Variants in WASHC5 observed in about 807,000 individuals in gnomAD.
WASHC5 encodes the protein WASH complex subunit strumpellin.
In WASHC5, 101 loss-of-function variants were observed where a neutral mutation model predicts 150.4. The ratio of observed to expected loss-of-function variants is 0.67; its 90% CI spans 0.57 to 0.79. The LOEUF (loss-of-function observed/expected upper bound fraction) is 0.79. WASHC5 is among the 30% of genes least tolerant of loss of function. WASHC5 has a pLI of 0.00. For synonymous variants in WASHC5, 467 were observed against 491.2 expected, an observed-to-expected ratio of 0.95 and a Z score of 0.65; for missense variants, 1,195 against 1,396.3, an observed-to-expected ratio of 0.86 and a Z score of 2.30.
Position 125,057,683 on chromosome 8 carries a change from GTA to G in WASHC5, c.1765-19_1765-18del, listed in dbSNP as rs756145010. On this transcript the variant is annotated intron_variant, in intron 14 of 28. Transcript: ENST00000318410. ...AGAGGCAAGCTGGAAGAAAAATAAGGTATATCTGTTTCTTGTTTCAAAAAGAG... is the reference window on the plus strand; with the variant it reads ...AGAGGCAAGCTGGAAGAAAAATAAGGTATCTGTTTCTTGTTTCAAAAAGAG... The G allele has an allele frequency of 3.4e-6, 5 of 1,464,934 alleles. No homozygotes were observed. Among genetic ancestry groups the G allele is most frequent in the Non-Finnish European group, 4.8e-6 (5 of 1,046,686 alleles). The allele number at this position is 1,464,934 out of a possible 1,614,324, so 90.7% of individuals were successfully genotyped here. A position where few individuals can be genotyped will look rare whatever the true frequency, so the allele number is the denominator to read the frequency against.
intron 1 of WASHC5, among the ~76,000 whole-genome samples, chr8:125,085,597 A>G (rs753876716): frequency 6.6e-6 from 1 of 152,200 alleles, no homozygotes. Context: ...TCCTGTACAC[A>G]TAAGTCTTTG....
intron 11 of WASHC5, among the ~76,000 whole-genome samples, chr8:125,061,993 C>T (rs1563624511): frequency 1.3e-5 from 2 of 152,176 alleles, no homozygotes; most frequent in African/African-American, 4.8e-5. Context: ...CTTTACCTCA[C>T]CAAGTTGATC....
rs780219865 is a variant in WASHC5, at chr8:125,083,095, T to G, written c.332+18A>C. The G allele has an allele frequency of 1.1e-5, 16 of 1,431,642 alleles. No homozygotes were observed. The African/African-American group carries it at 2.2e-4, about 20-fold the overall frequency. The allele number at this position is 1,431,642 out of a possible 1,614,324, so 88.7% of individuals were successfully genotyped here. A position where few individuals can be genotyped will look rare whatever the true frequency, so the allele number is the denominator to read the frequency against. ...ACTATTTACTACCAGAATAAGCTAT[T>G]CCTAAATAGATCAATACCTGTTTAA... is the stretch of plus-strand genomic sequence containing the variant. On this transcript the variant is annotated intron_variant, in intron 3 of 28. Coordinates refer to ENST00000318410, the MANE Select transcript of WASHC5 (RefSeq NM_014846.4).
chr8:125,058,023 G>A (rs965528048), intron 14 of WASHC5, among the ~76,000 whole-genome samples: 19 of 151,938 alleles, frequency 1.3e-4, no homozygotes, highest in Admixed American at 1.1e-3. Flanking sequence ...GAGCCACTGT[G>A]CCACAGAAAA....
chr8:125,032,519 G>A (rs1563608123), intron 26 of WASHC5, 125 bp from the exon 27 acceptor site: 1 of 1,094,488 alleles, frequency 9.1e-7, no homozygotes, highest in Non-Finnish European at 1.4e-6. Flanking sequence ...ATATTTTGGA[G>A]GGAATGACAA....
intron 14 of WASHC5, 112 bp from the exon 15 acceptor site, chr8:125,057,778 G>GCACCAACCACTGAATCTCATCAATAT: frequency 1.3e-6 from 1 of 749,432 alleles, no homozygotes; most frequent in African/African-American, 1.7e-5. Context: ...CCAACAGAGG[G>GCACCAACCACTGAATCTCATCAATAT]CATTAATAGT....
chr8:125,051,215 C>G (rs1816229259), intron 17 of WASHC5, among the ~76,000 whole-genome samples: 1 of 152,222 alleles, frequency 6.6e-6, no homozygotes, highest in Admixed American at 6.5e-5. Context: ...AATCTGCTAT[C>G]TAACTCTACA....
At chr8:125,067,493 A>G in intron 10 of WASHC5, 99 bp downstream of exon 10, 1 of 1,023,448 alleles carries the variant, frequency 9.8e-7, no homozygotes, top group East Asian at 2.7e-5. Context: ...CTGTACCTTG[A>G]ATCAGAGACA....
chr8:125,089,614 AAAC>A (rs1817535880), intron 1 of WASHC5, among the ~76,000 whole-genome samples: 1 of 152,148 alleles, frequency 6.6e-6, no homozygotes, highest in South Asian at 2.1e-4. Context: ...GCCCTGGGAA[AAAC>A]AACTTAAAGC....
intron 27 of WASHC5, among the ~76,000 whole-genome samples, chr8:125,029,974 T>G (rs925904484): frequency 4.6e-5 from 7 of 152,190 alleles, no homozygotes; most frequent in African/African-American, 1.4e-4. Flanking sequence ...AAGGAAGGAA[T>G]TCCCATGCGT....
chr8:125,079,371 G>A (rs1272459279), intron 5 of WASHC5, among the ~76,000 whole-genome samples: 1 of 151,166 alleles, frequency 6.6e-6, no homozygotes, highest in Non-Finnish European at 1.5e-5. Flanking sequence ...TTGTATTTTA[G>A]TAGAGATGGG....
chr8:125,072,780 C>T (rs13250545), intron 9 of WASHC5, among the ~76,000 whole-genome samples: 17,421 of 152,122 alleles, frequency 0.11, 1,298 homozygotes, highest in East Asian at 0.23. Context: ...ATATATCTAC[C>T]GGTTCAGGGA....
Position 125,057,622 on chromosome 8 carries a change from T to C in WASHC5, c.1809A>G (p.Ala603=). The C allele has an allele frequency of 1.2e-6, 2 of 1,614,040 alleles. No homozygotes were observed. Among genetic ancestry groups the C allele is most frequent in the Non-Finnish European group, 1.7e-6 (2 of 1,179,950 alleles). Residue 603 remains alanine (A), a synonymous_variant, in exon 15 of 29, where the codon GCA becomes GCG. Coordinates refer to ENST00000318410, the MANE Select transcript of WASHC5 (RefSeq NM_014846.4). ...ACACGCTGAGCAGGTCGGGGCTATT[T>C]GCCTGATTAATACGAAGAAGGGGCA... is the stretch of plus-strand genomic sequence containing the variant. The part of the protein sequence containing the change: ...LDLPLLRINQ[A]NSPDLLSVSQ...
intron 1 of WASHC5, among the ~76,000 whole-genome samples, chr8:125,089,296 C>T (rs1817522789): frequency 6.6e-6 from 1 of 152,094 alleles, no homozygotes; most frequent in Non-Finnish European, 1.5e-5. Context: ...AAACTTTACA[C>T]CAGGAGTGTC....
At chr8:125,031,412 G>A (rs1019510413) in intron 27 of WASHC5, among the ~76,000 whole-genome samples, 1 of 152,088 alleles carries the variant, frequency 6.6e-6, no homozygotes. Context: ...GAGTAGCTGG[G>A]ATTACAGGTG....
intron 19 of WASHC5, among the ~76,000 whole-genome samples, chr8:125,047,540 C>A (rs1384488146): frequency 6.6e-6 from 1 of 151,744 alleles, no homozygotes; most frequent in Non-Finnish European, 1.5e-5. Flanking sequence ...CGGGTGCAAG[C>A]GATTCTTTTG....
chr8:125,035,515 T>G (rs1414161202), intron 26 of WASHC5, among the ~76,000 whole-genome samples: 1 of 152,248 alleles, frequency 6.6e-6, no homozygotes, highest in African/African-American at 2.4e-5. Flanking sequence ...ACACTTGGGA[T>G]GGCCCTTTAA....
At chr8:125,072,369 CT>C (rs1816925035) in intron 9 of WASHC5, among the ~76,000 whole-genome samples, 1 of 45,450 alleles carries the variant, frequency 2.2e-5, no homozygotes, top group African/African-American at 9.3e-5. Context: ...GGGGGGCGGG[CT>C]CTTATTTTAT....
intron 10 of WASHC5, among the ~76,000 whole-genome samples, chr8:125,064,905 T>C (rs1042804753): frequency 2.0e-4 from 31 of 152,282 alleles, no homozygotes; most frequent in Admixed American, 2.0e-3. Flanking sequence ...ACCAATAAAA[T>C]GATGACGGAG....
Sources: gnomAD v4.1 joint callset for allele counts (sites outside exome capture counted in the v4.1 genomes callset) on GRCh38, gnomAD v4.1.1 for gene constraint, MANE v1.5 for transcripts, NCBI Gene and HGNC (gene_info 2026-07-23, HGNC 2026-07-21) for gene names.